BTG4: variants seen among roughly 807,000 people sequenced by gnomAD.
BTG4 encodes the protein protein BTG4.
In BTG4, 10 loss-of-function variants were observed where a neutral mutation model predicts 19.3. That is an observed-to-expected ratio of 0.52 (90% CI 0.32 to 0.88). The LOEUF (loss-of-function observed/expected upper bound fraction) is 0.88, where lower values mean the gene tolerates loss of function less well. Ranked by LOEUF, BTG4 falls within the 40% of genes least tolerant of loss-of-function variation. The pLI, the probability that BTG4 is intolerant of heterozygous loss-of-function variation, is 0.04. For missense variants in BTG4, 238 were observed against 281.9 expected (o/e 0.84, Z 1.11); for synonymous variants, 91 against 95.7 (o/e 0.95, Z 0.29).
intron 5 of BTG4, among the ~76,000 whole-genome samples, chr11:111,483,838 T>C (rs11501066): frequency 2.8e-4 from 42 of 152,074 alleles, no homozygotes; most frequent in African/African-American, 1.0e-3. Context: ...TGACAGAAAT[T>C]TCCAAGCCTG....
chr11:111,487,979 T>C (rs1319704568), intron 5 of BTG4, among the ~76,000 whole-genome samples: 2 of 152,124 alleles, frequency 1.3e-5, no homozygotes, highest in African/African-American at 4.8e-5. Flanking sequence ...ATGGAGACGT[T>C]CCATGTTCAT....
the BTG4 span, among the ~76,000 whole-genome samples, chr11:111,398,644 C>T: frequency 2.0e-5 from 3 of 151,942 alleles, no homozygotes; most frequent in East Asian, 3.9e-4. Context: ...TCAGTAGAGA[C>T]GGGGTGAAAA....
the BTG4 span, among the ~76,000 whole-genome samples, chr11:111,395,977 G>A: frequency 2.0e-5 from 3 of 152,216 alleles, no homozygotes; most frequent in Non-Finnish European, 4.4e-5. Flanking sequence ...AGGCATGCCT[G>A]CCTTCTCCAA....
chr11:111,456,028 G>A, the BTG4 span: 1 of 277,080 alleles, frequency 3.6e-6, no homozygotes, highest in South Asian at 3.1e-5. The surrounding 1 kb of genome is among the most constrained non-coding windows in gnomAD (Gnocchi z 4.2). Context: ...ACACCCCAAG[G>A]TCGGGAGGGG....
intron 5 of BTG4, among the ~76,000 whole-genome samples, chr11:111,485,125 T>G (rs1242499471): frequency 6.6e-6 from 1 of 152,130 alleles, no homozygotes; most frequent in Non-Finnish European, 1.5e-5. Context: ...AAAATATTAC[T>G]GGAGCCAAAG....
At chr11:111,483,455 T>G (rs968650140) in intron 5 of BTG4, among the ~76,000 whole-genome samples, 1 of 152,108 alleles carries the variant, frequency 6.6e-6, no homozygotes, top group Admixed American at 6.6e-5. Flanking sequence ...ATCACCACCT[T>G]GAGGAAGCTC....
At chr11:111,417,961 C>A in the BTG4 span, 1 of 152,282 alleles carries the variant, frequency 6.6e-6, no homozygotes, top group East Asian at 1.9e-4. Context: ...AGGAGCTTGA[C>A]CAAACTTGGC....
intron 1 of BTG4, among the ~76,000 whole-genome samples, chr11:111,509,050 A>T (rs1234437844): frequency 6.6e-6 from 1 of 152,150 alleles, no homozygotes; most frequent in East Asian, 1.9e-4. Flanking sequence ...ATAAATTAAC[A>T]TTTTATACTG....
downstream of BTG4, chr11:111,464,433 G>T (rs142532633): frequency 2.0e-4 from 31 of 152,402 alleles, no homozygotes; most frequent in African/African-American, 7.5e-4. Flanking sequence ...ACACATTAGG[G>T]GGTCACTGGG....
At chr11:111,513,786 AT>A (rs1867113279), upstream of BTG4, among the ~76,000 whole-genome samples, 1 of 152,170 alleles carries the variant, frequency 6.6e-6, no homozygotes, top group Non-Finnish European at 1.5e-5. Context: ...GTATGTTATT[AT>A]ATGAACATGT....
chr11:111,431,854 T>A, the BTG4 span, among the ~76,000 whole-genome samples: 8 of 152,198 alleles, frequency 5.3e-5, no homozygotes, highest in Non-Finnish European at 1.0e-4. Flanking sequence ...GGACACATAC[T>A]TGACAGCCTC....
At chr11:111,441,624 G>C in the BTG4 span, among the ~76,000 whole-genome samples, 2 of 152,322 alleles carry the variant, frequency 1.3e-5, no homozygotes, top group African/African-American at 4.8e-5. Context: ...TATAAACTCC[G>C]TGACTGTGCC....
At chr11:111,469,952 G>GT (rs1863963615) in intron 5 of BTG4, 1 of 152,634 alleles carries the variant, frequency 6.6e-6, no homozygotes, top group Non-Finnish European at 1.5e-5. Context: ...AATGAAGCAT[G>GT]TATCTCCCTT....
chr11:111,485,457 T>C (rs1195174174), intron 5 of BTG4, among the ~76,000 whole-genome samples: 1 of 152,136 alleles, frequency 6.6e-6, no homozygotes, highest in Middle Eastern at 3.2e-3. Context: ...AAGGAAACTT[T>C]GGAAACTGTA....
At chr11:111,498,928 G>A in intron 1 of BTG4, 126 bp from the exon 2 acceptor site, 1 of 637,328 alleles carries the variant, frequency 1.6e-6, no homozygotes, top group Non-Finnish European at 2.6e-6. Flanking sequence ...CTAGAAAGAA[G>A]TCCTTAGTAA....
At chr11:111,454,389 C>A in the BTG4 span, 1 of 443,304 alleles carries the variant, frequency 2.3e-6, no homozygotes, top group African/African-American at 2.0e-5. Context: ...CACTTCTACC[C>A]AAGACTGGAG....
chr11:111,407,427 T>C, the BTG4 span, among the ~76,000 whole-genome samples: 26 of 152,136 alleles, frequency 1.7e-4, no homozygotes, highest in African/African-American at 6.3e-4. Flanking sequence ...TCCCAGCACT[T>C]TGGGAGGCCA....
intron 5 of BTG4, chr11:111,469,329 G>T (rs886087073): frequency 5.3e-5 from 8 of 152,156 alleles, no homozygotes; most frequent in African/African-American, 1.9e-4. Flanking sequence ...CTGCCTTTCT[G>T]GGGTCATTTT....
At chr11:111,431,782 C>G in the BTG4 span, among the ~76,000 whole-genome samples, 1 of 152,134 alleles carries the variant, frequency 6.6e-6, no homozygotes, top group Non-Finnish European at 1.5e-5. Flanking sequence ...ATGACCTCTA[C>G]GTTTTCTTCC....
Sources: gnomAD v4.1 joint callset for allele counts (sites outside exome capture counted in the v4.1 genomes callset) on GRCh38, gnomAD v4.1.1 for gene constraint, Gnocchi (gnomAD v3.1) non-coding constraint, MANE v1.5 for transcripts, NCBI Gene and HGNC (gene_info 2026-07-23, HGNC 2026-07-21) for gene names.